PITPNC1: variants seen among roughly 807,000 people sequenced by gnomAD.
PITPNC1 encodes phosphatidylinositol transfer protein cytoplasmic 1, also known as cytoplasmic phosphatidylinositol transfer protein 1.
Under a neutral mutation model 44.7 loss-of-function variants are expected in PITPNC1, and 18 were observed. The ratio of observed to expected loss-of-function variants is 0.40; its 90% CI spans 0.28 to 0.60. PITPNC1 has a LOEUF of 0.60. Among genes scored for constraint, PITPNC1 ranks in the 20% least tolerant of loss-of-function variants. PITPNC1 has a pLI of 0.39. For missense variants in PITPNC1, 290 were observed against 418.4 expected (o/e 0.69, Z 2.68); for synonymous variants, 141 against 149.6 (o/e 0.94, Z 0.42).
intron 6 of PITPNC1, among the ~76,000 whole-genome samples, chr17:67,663,267 G>A (rs1459357435): frequency 6.6e-6 from 1 of 152,122 alleles, no homozygotes; most frequent in African/African-American, 2.4e-5. Context: ...TGAGCCGGTG[G>A]TGTTAAAAGT....
intron 1 of PITPNC1, among the ~76,000 whole-genome samples, chr17:67,507,683 CAAAAAAAA>C (rs59838492): frequency 2.5e-5 from 2 of 79,498 alleles, no homozygotes; most frequent in Non-Finnish European, 4.7e-5. Flanking sequence ...GACTTGGTCT[CAAAAAAAA>C]AAAAAAAAAA....
chr17:67,451,369 T>C (rs2039173045), intron 1 of PITPNC1, among the ~76,000 whole-genome samples: 1 of 152,036 alleles, frequency 6.6e-6, no homozygotes, highest in African/African-American at 2.4e-5. Flanking sequence ...TCACCTATCT[T>C]AAGTGTAAAA....
chr17:67,444,394 G>A (rs1411616017), intron 1 of PITPNC1, among the ~76,000 whole-genome samples: 1 of 152,060 alleles, frequency 6.6e-6, no homozygotes, highest in African/African-American at 2.4e-5. Context: ...AACATGTGGT[G>A]AGCAGATTGT....
chr17:67,621,630 C>G lies in PITPNC1; in HGVS notation c.367-10513C>G, dbSNP rs536731932. 5.9e-5 allele frequency among the ~76,000 whole-genome samples: 9 copies of G among 152,304 alleles called. No homozygotes were observed. In the South Asian group the frequency reaches 1.9e-3, roughly 32 times the overall value. ...CCCTTTGAGAGTGGACCTTCTCTTA[C>G]ACATTTTTCCAAGGCACAGTGTTGA... On this transcript the variant is annotated intron_variant, in intron 5 of 8. Coordinates refer to ENST00000581322, the MANE Select transcript of PITPNC1 (RefSeq NM_012417.4).
chr17:67,531,119 T>C (rs956251250), intron 1 of PITPNC1, among the ~76,000 whole-genome samples: 1 of 152,082 alleles, frequency 6.6e-6, no homozygotes, highest in African/African-American at 2.4e-5. Context: ...GGTGCGCACC[T>C]GTAGTCCCAG....
chr17:67,660,518 T>TTTTA (rs1007987447), intron 6 of PITPNC1, among the ~76,000 whole-genome samples: 3,346 of 139,382 alleles, frequency 0.024, 89 homozygotes, highest in African/African-American at 0.071. Flanking sequence ...TTTTATTTTA[T>TTTTA]TTTATTTATT....
intron 2 of PITPNC1, among the ~76,000 whole-genome samples, chr17:67,533,941 C>T (rs541991450): frequency 4.6e-5 from 7 of 151,966 alleles, no homozygotes; most frequent in East Asian, 3.9e-4. Flanking sequence ...ATTGCCCAGA[C>T]GGGAGTGTAA....
chr17:67,410,809 G>A (rs1598628411), intron 1 of PITPNC1, among the ~76,000 whole-genome samples: 2 of 152,138 alleles, frequency 1.3e-5, no homozygotes, highest in Non-Finnish European at 2.9e-5. Context: ...GTTGGGCTGC[G>A]CTGGGTGGCT....
At chr17:67,607,027 G>A (rs1046828481) in intron 5 of PITPNC1, among the ~76,000 whole-genome samples, 3 of 152,156 alleles carry the variant, frequency 2.0e-5, no homozygotes, top group African/African-American at 4.8e-5. Flanking sequence ...AGAATGGAGC[G>A]TGTGACCTCC....
chr17:67,415,894 G>A (rs1213905637), intron 1 of PITPNC1, among the ~76,000 whole-genome samples: 1 of 138,828 alleles, frequency 7.2e-6, no homozygotes, highest in African/African-American at 2.8e-5. Flanking sequence ...AGTGACTTTT[G>A]AAAATCACGC....
intron 5 of PITPNC1, among the ~76,000 whole-genome samples, chr17:67,619,448 T>C (rs1427152276): frequency 6.6e-6 from 1 of 152,124 alleles, no homozygotes; most frequent in Non-Finnish European, 1.5e-5. Flanking sequence ...ATCCAGGGGC[T>C]CTTTTCTACT....
At chr17:67,387,335 C>T (rs1358007031) in intron 1 of PITPNC1, among the ~76,000 whole-genome samples, 1 of 152,218 alleles carries the variant, frequency 6.6e-6, no homozygotes, top group African/African-American at 2.4e-5. Flanking sequence ...TTAGCATCGT[C>T]TTTCCTGAAC....
At chr17:67,419,681 G>A (rs1255881746) in intron 1 of PITPNC1, among the ~76,000 whole-genome samples, 2 of 152,208 alleles carry the variant, frequency 1.3e-5, no homozygotes, top group Admixed American at 6.5e-5. Flanking sequence ...CGACGCAGGC[G>A]GATAACTTGA....
chr17:67,608,171 C>A (rs566107330), intron 5 of PITPNC1, among the ~76,000 whole-genome samples: 1 of 149,228 alleles, frequency 6.7e-6, no homozygotes, highest in Non-Finnish European at 1.5e-5. Flanking sequence ...TACATCTTGC[C>A]GATTATCGCA....
chr17:67,509,193 C>T (rs1025644863), intron 1 of PITPNC1, among the ~76,000 whole-genome samples: 1 of 150,566 alleles, frequency 6.6e-6, no homozygotes, highest in Non-Finnish European at 1.5e-5. Flanking sequence ...AAGATCACGC[C>T]ACTGCACTCC....
chr17:67,436,866 T>C (rs1347059683), intron 1 of PITPNC1, among the ~76,000 whole-genome samples: 1 of 150,084 alleles, frequency 6.7e-6, no homozygotes, highest in African/African-American at 2.4e-5. Context: ...AATCTGTGTC[T>C]GCCTGGAACC....
chr17:67,586,821 C>T (rs1428098813), intron 5 of PITPNC1, among the ~76,000 whole-genome samples: 2 of 152,170 alleles, frequency 1.3e-5, no homozygotes, highest in African/African-American at 4.8e-5. Context: ...TTTGCTCTGG[C>T]TGTTCTGTGG....
chr17:67,458,293 A>G (rs994824010), intron 1 of PITPNC1, among the ~76,000 whole-genome samples: 1 of 152,060 alleles, frequency 6.6e-6, no homozygotes, highest in African/African-American at 2.4e-5. Context: ...CTCTGTTTTC[A>G]TCATCTGAAT....
chr17:67,415,589 T>G (rs1598633949), intron 1 of PITPNC1, among the ~76,000 whole-genome samples: 1 of 152,214 alleles, frequency 6.6e-6, no homozygotes, highest in African/African-American at 2.4e-5. Context: ...TAATATTGCT[T>G]CTTTTTATTG....
Sources: allele counts gnomAD v4.1 joint callset (sites outside exome capture counted in the v4.1 genomes callset), GRCh38; gene constraint gnomAD v4.1.1; transcripts MANE v1.5; gene names NCBI Gene and HGNC (gene_info 2026-07-23, HGNC 2026-07-21).